TRAPPC12: variants seen among roughly 807,000 people sequenced by gnomAD.
TRAPPC12 encodes trafficking protein particle complex subunit 12, also known as TPR repeat protein 15.
In TRAPPC12, 61 loss-of-function variants were observed where a neutral mutation model predicts 69.2. The observed-to-expected ratio is 0.88, with a 90% CI of 0.72 to 1.09. TRAPPC12 has a LOEUF of 1.09. TRAPPC12 is among the 50% of genes least tolerant of loss of function. TRAPPC12 has a pLI of 0.00. For synonymous variants in TRAPPC12, 469 were observed against 438.9 expected, an observed-to-expected ratio of 1.07 and a Z score of -0.86; for missense variants, 1,101 against 1,016.4, an observed-to-expected ratio of 1.08 and a Z score of -1.13.
Position 3,388,423 on chromosome 2 carries a change from G to GGCCCCAGGCAGCTGC in TRAPPC12, c.806_820dup (p.Gln269_Pro273dup), listed in dbSNP as rs772816068. 6.9e-6 allele frequency: 11 copies of GGCCCCAGGCAGCTGC among 1,605,680 alleles called. No individual in the cohort carries two copies. In the East Asian group the frequency reaches 2.2e-4, roughly 33 times the overall value. ...CGCCCCGAACCCGTGGCCATGCGAGGGCCCCAGGCAGCTGCGCCCCCGGCG... is the reference window on the plus strand; with the variant it reads ...CGCCCCGAACCCGTGGCCATGCGAGGGCCCCAGGCAGCTGCGCCCCAGGCAGCTGCGCCCCCGGCG... On this transcript the variant is annotated inframe_insertion, in exon 2 of 12. Coordinates refer to ENST00000324266, the MANE Select transcript of TRAPPC12 (RefSeq NM_016030.6).
chr2:3,444,168 C>T (rs1664383384), intron 6 of TRAPPC12, among the ~76,000 whole-genome samples: 1 of 152,236 alleles, frequency 6.6e-6, no homozygotes, highest in Admixed American at 6.5e-5. Flanking sequence ...ATCTTTCTTG[C>T]CAAGGCTGCC....
In TRAPPC12 at chr2:3,403,645, C is replaced by T. The variant is rs931166124; in HGVS notation, c.1164+1752C>T. ...CATTGAAATGACAGGTGAAGGTTAG[C>T]CTGTGAACTAAAACAGAAAATGAGA... is the stretch of plus-strand genomic sequence containing the variant. On this transcript the variant is annotated intron_variant, in intron 3 of 11. Coordinates refer to ENST00000324266, the MANE Select transcript of TRAPPC12 (RefSeq NM_016030.6). Among the ~76,000 whole-genome samples the T allele has an allele frequency of 4.6e-5, 7 of 152,278 alleles. No homozygotes were observed. In the East Asian group the frequency reaches 1.4e-3, roughly 29 times the overall value.
chr2:3,399,896 G>A (rs1661340548), intron 2 of TRAPPC12, among the ~76,000 whole-genome samples: 1 of 151,804 alleles, frequency 6.6e-6, no homozygotes, highest in Non-Finnish European at 1.5e-5. Flanking sequence ...CAGGCAGGGG[G>A]CACGCAGGCT....
chr2:3,451,232 TTGATGGTTCCCC>T (rs984687694), intron 6 of TRAPPC12, among the ~76,000 whole-genome samples: 3 of 152,240 alleles, frequency 2.0e-5, no homozygotes, highest in Non-Finnish European at 4.4e-5. Context: ...TGGGCAGGTG[TTGATGGTTCCCC>T]ACCTTGTTAG....
At chr2:3,406,182 A>T (rs1025648718) in intron 3 of TRAPPC12, among the ~76,000 whole-genome samples, 1 of 152,182 alleles carries the variant, frequency 6.6e-6, no homozygotes, top group Non-Finnish European at 1.5e-5. Flanking sequence ...TGTCACTCAC[A>T]TGGTCACGCA....
intron 6 of TRAPPC12, among the ~76,000 whole-genome samples, chr2:3,447,584 A>G (rs1387394713): frequency 6.6e-6 from 1 of 152,096 alleles, no homozygotes; most frequent in Non-Finnish European, 1.5e-5. Context: ...CCCATGAGGG[A>G]TCCACCCCCA....
At chr2:3,478,284 C>T (rs1666386103) in intron 10 of TRAPPC12, among the ~76,000 whole-genome samples, 2 of 152,214 alleles carry the variant, frequency 1.3e-5, no homozygotes, top group Admixed American at 1.3e-4. Flanking sequence ...AAGCAGGTGT[C>T]CGCTTTTAGC....
chr2:3,411,921 T>C (rs999537063), intron 3 of TRAPPC12, among the ~76,000 whole-genome samples: 1 of 152,248 alleles, frequency 6.6e-6, no homozygotes, highest in African/African-American at 2.4e-5. Context: ...CTATCCTGAC[T>C]TGTATCTTTT....
intron 3 of TRAPPC12, among the ~76,000 whole-genome samples, chr2:3,420,817 G>A (rs1297853897): frequency 6.6e-6 from 1 of 152,228 alleles, no homozygotes; most frequent in East Asian, 1.9e-4. Flanking sequence ...TAGTGCGTGT[G>A]TGAGTTAGTA....
In TRAPPC12 at chr2:3,388,545, G is replaced by A. The variant is rs781560913; in HGVS notation, c.922G>A (p.Asp308Asn). 5 of 1,612,964 alleles carry A rather than the reference G, an allele frequency of 3.1e-6. No homozygotes were observed. The African/African-American group carries it at 4.0e-5, about 13-fold the overall frequency. Reference protein sequence around the residue: ...LSMSEMDRRNDAWLPGEATRG... With the variant: ...LSMSEMDRRNNAWLPGEATRG... The stretch of plus-strand genomic sequence containing the variant: ...CATGAGCGAGATGGACCGGAGGAAC[G>A]ACGCCTGGCTTCCCGGCGAGGCTAC... The change falls in exon 2 of 12, where the codon GAC (aspartate) becomes AAC (asparagine). Residue 308 changes from aspartate to asparagine, a missense_variant. Asp to Asn is a conservative substitution (Grantham distance 23). Coordinates refer to ENST00000324266, the MANE Select transcript of TRAPPC12 (RefSeq NM_016030.6).
Position 3,424,489 on chromosome 2 carries a change from A to C in TRAPPC12, c.1279-36A>C, listed in dbSNP as rs749848178. On this transcript the variant is annotated intron_variant, in intron 4 of 11. Coordinates refer to ENST00000324266, the MANE Select transcript of TRAPPC12 (RefSeq NM_016030.6). ...AGCAAATTCTGAACTGGATATATGT[A>C]GATAACCTATTGTTTCCATTGTATT... 3 of 1,605,066 alleles carry C rather than the reference A, an allele frequency of 1.9e-6. No individual in the cohort carries two copies. The South Asian group carries it at 3.3e-5, about 18-fold the overall frequency.
chr2:3,433,739 A>G (rs1168139273), intron 5 of TRAPPC12, among the ~76,000 whole-genome samples: 3 of 152,198 alleles, frequency 2.0e-5, no homozygotes, highest in African/African-American at 7.2e-5. Context: ...ATTTTCATTT[A>G]ATGTTTTCTA....
At chr2:3,472,179 C>G (rs1057184865) in intron 9 of TRAPPC12, among the ~76,000 whole-genome samples, 1 of 152,074 alleles carries the variant, frequency 6.6e-6, no homozygotes, top group Non-Finnish European at 1.5e-5. Flanking sequence ...TCCCAGAGAG[C>G]AGGAACCCAG....
chr2:3,452,003 A>C (rs546136279), intron 6 of TRAPPC12, among the ~76,000 whole-genome samples: 1 of 152,188 alleles, frequency 6.6e-6, no homozygotes, highest in Admixed American at 6.5e-5. Context: ...GGCTAAAACC[A>C]CAGGGATGTA....
chr2:3,399,837 A>G (rs1018432663), intron 2 of TRAPPC12, among the ~76,000 whole-genome samples: 6 of 150,342 alleles, frequency 4.0e-5, no homozygotes, highest in South Asian at 2.2e-4. Context: ...CCGCCAAAAA[A>G]AAAAGGGTAG....
At chr2:3,418,752 C>T (rs908756537) in intron 3 of TRAPPC12, among the ~76,000 whole-genome samples, 1 of 152,014 alleles carries the variant, frequency 6.6e-6, no homozygotes, top group African/African-American at 2.4e-5. Flanking sequence ...GGAACATCCT[C>T]ATAGCTTTAC....
Position 3,388,276 on chromosome 2 carries a change from C to T in TRAPPC12, c.653C>T (p.Ser218Phe), listed in dbSNP as rs977012763. The T allele has an allele frequency of 1.2e-6, 2 of 1,607,916 alleles. No individual in the cohort carries two copies. The highest frequency in any genetic ancestry group is 2.7e-5 in the African/African-American group (2 of 74,066). ...TTCGGAGACACGGCCGCCAGCCACT[C>T]CTTGGCCTCGGACTTCTTCGACTCC... ...TFFGDTAASH[S>F]LASDFFDSFT... is the part of the protein sequence containing the mutation. Residue 218 changes from serine (S) to phenylalanine (F), a missense_variant, in exon 2 of 12, where the codon TCC (serine) becomes TTC (phenylalanine). Physicochemically the swap from Ser to Phe is radical, Grantham distance 155. Transcript: ENST00000324266.
At chr2:3,387,019 C>T (rs999755449) in intron 1 of TRAPPC12, among the ~76,000 whole-genome samples, 1 of 152,184 alleles carries the variant, frequency 6.6e-6, no homozygotes, top group African/African-American at 2.4e-5. Context: ...TCCAGCAGTT[C>T]CTTCTAGGTA....
chr2:3,461,471 C>T (rs1028432871), intron 8 of TRAPPC12, among the ~76,000 whole-genome samples: 3 of 152,372 alleles, frequency 2.0e-5, no homozygotes, highest in Middle Eastern at 3.4e-3. Flanking sequence ...GCGACCGTGA[C>T]GCAGCCTCGC....
Sources: allele counts gnomAD v4.1 joint callset (sites outside exome capture counted in the v4.1 genomes callset), GRCh38; gene constraint gnomAD v4.1.1; transcripts MANE v1.5; gene names NCBI Gene and HGNC (gene_info 2026-07-23, HGNC 2026-07-21).